The following NPSR1 variants were observed in gnomAD, a reference collection of about 807,000 sequenced individuals.
NPSR1 encodes the protein neuropeptide S receptor 1.
In NPSR1, 48 loss-of-function variants were observed where a neutral mutation model predicts 46.9. The observed-to-expected ratio is 1.02, with a 90% confidence interval of 0.81 to 1.30. The LOEUF is 1.30. Among genes scored for constraint, NPSR1 ranks in the 50% most tolerant of loss-of-function variants. The pLI is 0.00. For missense variants in NPSR1, 450 were observed against 449.5 expected, an observed-to-expected ratio of 1.00 and a Z score of -0.01; for synonymous variants, 176 against 168.1, an observed-to-expected ratio of 1.05 and a Z score of -0.36.
chr7:34,751,811 G>A, intron 2 of NPSR1: 1 of 1,584,454 alleles, frequency 6.3e-7, no homozygotes, highest in Non-Finnish European at 8.7e-7. Context: ...ATCACTGTGG[G>A]ACTCTCTGCC....
chr7:34,734,666 T>C (rs1030215901), intron 2 of NPSR1, among the ~76,000 whole-genome samples: 4 of 152,228 alleles, frequency 2.6e-5, no homozygotes, highest in Non-Finnish European at 5.9e-5. Context: ...CTAAAGGTGC[T>C]TGTTCTGAAG....
At chr7:34,785,005 A>G (rs1034292555) in intron 3 of NPSR1, among the ~76,000 whole-genome samples, 15 of 152,066 alleles carry the variant, frequency 9.9e-5, no homozygotes, top group African/African-American at 3.4e-4. Context: ...TAGAAATACC[A>G]TTTGACCCAG....
At chr7:34,771,558 G>A (rs1786685355) in intron 2 of NPSR1, among the ~76,000 whole-genome samples, 2 of 152,116 alleles carry the variant, frequency 1.3e-5, no homozygotes, top group Non-Finnish European at 2.9e-5. Flanking sequence ...AGATAAAAAG[G>A]GCAACCAAAG....
chr7:34,681,818 T>TGA (rs34981870), intron 1 of NPSR1, among the ~76,000 whole-genome samples: 25,510 of 149,774 alleles, frequency 0.17, 2,944 homozygotes, highest in African/African-American at 0.33. Flanking sequence ...CTTTCAAAGC[T>TGA]GAGAGAGAGA....
rs142358280 is a variant in NPSR1, at chr7:34,782,517, C to T, written c.384+3952C>T. On this transcript the variant is annotated intron_variant, in intron 3 of 8. Coordinates refer to ENST00000360581, the MANE Select transcript of NPSR1 (RefSeq NM_207172.2). ...ACTCTGACCTGAGCTGAAAAAGCTA[C>T]ACAGAGACTACAAATCTGCACCATC... Among the ~76,000 whole-genome samples, 519 of 152,252 alleles carry T rather than the reference C, an allele frequency of 3.4e-3. 4 individuals are homozygous for T. Among genetic ancestry groups the T allele is most frequent in the Non-Finnish European group, 5.0e-3 (343 of 68,014 alleles).
At chr7:34,670,841 A>G (rs1372757147) in intron 1 of NPSR1, among the ~76,000 whole-genome samples, 1 of 152,102 alleles carries the variant, frequency 6.6e-6, no homozygotes, top group Non-Finnish European at 1.5e-5. Flanking sequence ...AGATCAAAGC[A>G]AAATAATATA....
At chr7:34,735,399 C>T (rs1030737248) in intron 2 of NPSR1, among the ~76,000 whole-genome samples, 1 of 152,018 alleles carries the variant, frequency 6.6e-6, no homozygotes, top group African/African-American at 2.4e-5. Flanking sequence ...CTTGGCAGGG[C>T]CATCTCTCTT....
chr7:34,827,414 G>T lies in NPSR1; in HGVS notation c.492G>T (p.Arg164Ser), dbSNP rs200741263. 13 of 1,613,892 alleles carry T rather than the reference G, an allele frequency of 8.1e-6. No individual in the cohort carries two copies. In the African/African-American group the frequency reaches 1.3e-4, roughly 17 times the overall value. The change falls in exon 5 of 9, where the codon AGG becomes AGT. Residue 164 changes from arginine to serine, a missense_variant. By Grantham distance (110) the Arg-to-Ser change is moderately radical (BLOSUM62 -1). Transcript: ENST00000360581. ...TTCTTTGGGCAGAAAAGCAAGCCAG[G>T]GTCCTCATTGTGATCGCCTGGAGCC... ...MKFLQGEKQA[R>S]VLIVIAWSLS...
intron 2 of NPSR1, among the ~76,000 whole-genome samples, chr7:34,698,881 G>A (rs902858845): frequency 6.6e-6 from 1 of 152,054 alleles, no homozygotes; most frequent in African/African-American, 2.4e-5. Flanking sequence ...AAAGAAATCT[G>A]AACTATTGCA....
rs534567540 is a variant in NPSR1, at chr7:34,858,952, T to A, written c.1025+10289T>A. 2.0e-5 allele frequency among the ~76,000 whole-genome samples: 3 copies of A among 151,674 alleles called. No homozygotes were observed. The East Asian group carries it at 5.8e-4, about 29-fold the overall frequency. On this transcript the variant is annotated intron_variant, in intron 8 of 8. Coordinates refer to the NPSR1 transcript ENST00000359791. ...TTTTATAAGAGTCCAGATTGAAATA[T>A]CTTTGTGGGGAGAGGGAGGAGATGT...
At chr7:34,850,558 G>A (rs558746260), downstream of NPSR1, among the ~76,000 whole-genome samples, 17 of 152,162 alleles carry the variant, frequency 1.1e-4, no homozygotes, top group South Asian at 2.1e-4. Flanking sequence ...CCGCCACCAC[G>A]CCTGGCTAAT....
chr7:34,779,073 A>G (rs1282166046), intron 3 of NPSR1, among the ~76,000 whole-genome samples: 2 of 152,070 alleles, frequency 1.3e-5, no homozygotes, highest in Non-Finnish European at 2.9e-5. Flanking sequence ...GAATGATTTT[A>G]TAACTGAGAG....
At chr7:34,850,419 T>C (rs915047897), downstream of NPSR1, among the ~76,000 whole-genome samples, 20 of 149,808 alleles carry the variant, frequency 1.3e-4, no homozygotes, top group Admixed American at 1.3e-3. Flanking sequence ...TTTTTTTTTT[T>C]TGACAGAGTC....
At chr7:34,686,023 G>A (rs898068) in intron 2 of NPSR1, 21,170 of 169,236 alleles carry the variant, frequency 0.13, 1,432 homozygotes, top group Middle Eastern at 0.21. Flanking sequence ...ATATTTCTTC[G>A]ATTACAGTGT....
At chr7:34,677,410 G>C (rs1183404489) in intron 1 of NPSR1, among the ~76,000 whole-genome samples, 4 of 152,166 alleles carry the variant, frequency 2.6e-5, no homozygotes, top group African/African-American at 7.2e-5. Flanking sequence ...ACATGAAAGA[G>C]AGATATAGTC....
intron 3 of NPSR1, among the ~76,000 whole-genome samples, chr7:34,803,171 G>A (rs1292082345): frequency 6.6e-6 from 1 of 151,652 alleles, no homozygotes; most frequent in East Asian, 1.9e-4. Context: ...ATTCCTCAGG[G>A]ATCTAGAACT....
chr7:34,817,600 CA>C (rs1183650185), intron 4 of NPSR1, among the ~76,000 whole-genome samples: 1 of 126,722 alleles, frequency 7.9e-6, no homozygotes, highest in Admixed American at 8.5e-5. Flanking sequence ...CAAAGCCTGG[CA>C]GAGACAAAAC....
At chr7:34,751,941 T>C (rs530369078) in intron 2 of NPSR1, 2 of 1,237,134 alleles carry the variant, frequency 1.6e-6, no homozygotes, top group East Asian at 2.3e-5. Flanking sequence ...CTGAGGCAAC[T>C]GGAAGTGGGG....
chr7:34,850,398 CTTTTTTTTTT>C (rs756462912), downstream of NPSR1, among the ~76,000 whole-genome samples: 4 of 113,054 alleles, frequency 3.5e-5, no homozygotes, highest in Admixed American at 2.6e-4. Context: ...TCCTTGAGGC[CTTTTTTTTTT>C]TTTTTTTTTT....
Sources: allele counts gnomAD v4.1 joint callset (sites outside exome capture counted in the v4.1 genomes callset), GRCh38; gene constraint gnomAD v4.1.1; transcripts MANE v1.5; gene names NCBI Gene and HGNC (gene_info 2026-07-23, HGNC 2026-07-21).